ACACB: variants seen among roughly 807,000 people sequenced by gnomAD.
The protein encoded by ACACB is acetyl-CoA carboxylase 2.
A neutral mutation model predicts 278.8 loss-of-function variants in ACACB; 209 were observed. The observed-to-expected ratio is 0.75, with a 90% CI of 0.67 to 0.84. The LOEUF (loss-of-function observed/expected upper bound fraction) is 0.84. Ranked by LOEUF, ACACB falls within the 40% of genes least tolerant of loss-of-function variation. The pLI, the probability that ACACB is intolerant of heterozygous loss-of-function variation, is 0.00. For missense variants in ACACB, 2,850 were observed against 3,269.0 expected (o/e 0.87, Z 3.13); for synonymous variants, 1,174 against 1,285.6 (o/e 0.91, Z 1.86).
intron 47 of ACACB, among the ~76,000 whole-genome samples, chr12:109,259,637 G>A (rs1029753337): frequency 3.9e-5 from 6 of 152,042 alleles, no homozygotes; most frequent in African/African-American, 1.4e-4. Context: ...ACTTTCTAGA[G>A]GTCACACCAT....
chr12:109,226,119 A>T (rs2046305540), intron 27 of ACACB, among the ~76,000 whole-genome samples: 1 of 151,824 alleles, frequency 6.6e-6, no homozygotes, highest in Non-Finnish European at 1.5e-5. Context: ...ATAAAAAACA[A>T]AAAAAATTAG....
upstream of ACACB, among the ~76,000 whole-genome samples, chr12:109,114,484 C>G (rs559451236): frequency 6.6e-6 from 1 of 152,100 alleles, no homozygotes; most frequent in Non-Finnish European, 1.5e-5. Flanking sequence ...ACAGAGGGTC[C>G]GGTTTGCAGC....
intron 11 of ACACB, among the ~76,000 whole-genome samples, chr12:109,180,403 A>T (rs527700594): frequency 1.3e-5 from 2 of 152,244 alleles, no homozygotes; most frequent in South Asian, 2.1e-4. Context: ...AATATACCAC[A>T]TACCTGTTTG....
rs140953867 is a variant in ACACB at position 109,144,228 on chromosome 12, G to A, written c.653+4170G>A. ...CTCAGGAGGCTGAAGTGGGAGAATC[G>A]CCTGAACTCAGGAGGTGGAGGTTGC... On this transcript the variant is annotated intron_variant, in intron 2 of 52. Transcript: ENST00000338432. Among the ~76,000 whole-genome samples the A allele has an allele frequency of 9.2e-4, 140 of 152,176 alleles. 1 individual carries two copies. Among genetic ancestry groups the A allele is most frequent in the African/African-American group, 3.2e-3 (133 of 41,504 alleles).
intron 1 of ACACB, among the ~76,000 whole-genome samples, chr12:109,123,180 CAA>C (rs371374660): frequency 1.5e-4 from 18 of 121,934 alleles, no homozygotes; most frequent in Non-Finnish European, 2.3e-4. Flanking sequence ...GACTCCATCT[CAA>C]AAAAAAAAAA....
chr12:109,244,286 T>C (rs1056969777), intron 37 of ACACB, among the ~76,000 whole-genome samples: 3 of 152,198 alleles, frequency 2.0e-5, no homozygotes, highest in African/African-American at 7.2e-5. Context: ...AGCTGCTCTT[T>C]AGAGTAACTC....
chr12:109,140,332 TTCCTTCCTTCC>T (rs2043089697), intron 2 of ACACB, among the ~76,000 whole-genome samples: 1 of 125,318 alleles, frequency 8.0e-6, no homozygotes, highest in Non-Finnish European at 1.7e-5. Context: ...CCTTCCTTCC[TTCCTTCCTTCC>T]TTCCTTCCCT....
rs932271314 is a variant in ACACB, at chr12:109,179,198, G to A, written c.1548G>A (p.Leu516=). ...LADQYGNAVS[L]FGRDCSIQRR... ...ACCAGTATGGGAATGCTGTGTCTCTGTTTGGTCGCGACTGCTCCATCCAGC... is the reference window on the plus strand; with the variant it reads ...ACCAGTATGGGAATGCTGTGTCTCTATTTGGTCGCGACTGCTCCATCCAGC... Residue 516 remains leucine, a synonymous_variant, in exon 10 of 53, where the codon CTG becomes CTA. Coordinates refer to ENST00000338432, the MANE Select transcript of ACACB (RefSeq NM_001093.4). The A allele has an allele frequency of 1.2e-6, 2 of 1,614,004 alleles. No homozygotes were observed. Among genetic ancestry groups the A allele is most frequent in the Non-Finnish European group, 1.7e-6 (2 of 1,180,038 alleles).
intron 2 of ACACB, among the ~76,000 whole-genome samples, chr12:109,162,278 G>A (rs554094438): frequency 3.3e-5 from 5 of 151,990 alleles, no homozygotes; most frequent in East Asian, 1.9e-4. Flanking sequence ...CGTGCCCAGC[G>A]TAGCATTAAC....
chr12:109,163,857 C>T (rs1169330425), intron 2 of ACACB, among the ~76,000 whole-genome samples: 7 of 152,210 alleles, frequency 4.6e-5, no homozygotes. Context: ...ACCATGTTGG[C>T]CAAGCTGGTC....
At chr12:109,195,465 A>G (rs751365298) in intron 16 of ACACB, among the ~76,000 whole-genome samples, 19 of 152,122 alleles carry the variant, frequency 1.2e-4, no homozygotes, top group Non-Finnish European at 2.1e-4. Context: ...ACCTTTGGGG[A>G]CCTAGCTGCC....
rs1449280499 is a variant in ACACB, at chr12:109,120,235, CCAAT to C, written c.-10+3534_-10+3537del. Among the ~76,000 whole-genome samples the C allele has an allele frequency of 4.6e-5, 7 of 152,274 alleles. No homozygotes were observed. The South Asian group carries it at 1.2e-3, about 27-fold the overall frequency. ...GCAAGGTGGAAACAGGCCTCCAGGG[CCAAT>C]CAGTTTGGGAAACACCAGGCTGCCT... On this transcript the variant is annotated intron_variant, in intron 1 of 52. Transcript: ENST00000338432.
intron 2 of ACACB, among the ~76,000 whole-genome samples, chr12:109,156,020 T>G (rs1190319044): frequency 2.0e-5 from 3 of 152,178 alleles, no homozygotes; most frequent in Admixed American, 1.3e-4. Context: ...CAACATGCTT[T>G]TACTGGATTC....
At chr12:109,152,912 G>A (rs1343601587) in intron 2 of ACACB, among the ~76,000 whole-genome samples, 5 of 152,016 alleles carry the variant, frequency 3.3e-5, no homozygotes, top group Non-Finnish European at 7.4e-5. Flanking sequence ...CCAAAGTGCT[G>A]GGATTACAGG....
chr12:109,234,788 C>T (rs1185506433), intron 31 of ACACB, among the ~76,000 whole-genome samples: 6 of 129,336 alleles, frequency 4.6e-5, no homozygotes, highest in South Asian at 5.8e-4. Flanking sequence ...CAACGCACAC[C>T]GGGGCCTGTC....
At chr12:109,225,719 C>A (rs1209792257) in intron 27 of ACACB, among the ~76,000 whole-genome samples, 4 of 152,216 alleles carry the variant, frequency 2.6e-5, no homozygotes, top group African/African-American at 9.6e-5. Context: ...CTGCATTGTC[C>A]ACTATGGCAG....
At chr12:109,185,963 C>T (rs2044647264) in intron 12 of ACACB, among the ~76,000 whole-genome samples, 1 of 152,042 alleles carries the variant, frequency 6.6e-6, no homozygotes, top group Non-Finnish European at 1.5e-5. Context: ...TGGAGTCTCA[C>T]CCTGTCACCC....
intron 7 of ACACB, among the ~76,000 whole-genome samples, chr12:109,175,438 C>T (rs2044252480): frequency 6.6e-6 from 1 of 152,018 alleles, no homozygotes; most frequent in Non-Finnish European, 1.5e-5. Context: ...GTTTTCGAGA[C>T]AGGGTCTCAC....
At chr12:109,196,751 C>T (rs572094978) in intron 16 of ACACB, among the ~76,000 whole-genome samples, 1 of 152,324 alleles carries the variant, frequency 6.6e-6, no homozygotes, top group East Asian at 1.9e-4. Context: ...CAGTTGCCAA[C>T]ACGGCTTGAC....
Sources: gnomAD v4.1 joint callset for allele counts (sites outside exome capture counted in the v4.1 genomes callset) on GRCh38, gnomAD v4.1.1 for gene constraint, MANE v1.5 for transcripts, NCBI Gene and HGNC (gene_info 2026-07-23, HGNC 2026-07-21) for gene names.